The following KDM4C variants were observed in gnomAD, a reference collection of about 807,000 sequenced individuals.
KDM4C encodes lysine demethylase 4C.
In KDM4C, 81 loss-of-function variants were observed where a neutral mutation model predicts 129.3. The observed-to-expected ratio is 0.63, with a 90% CI of 0.52 to 0.75. KDM4C has a LOEUF of 0.75. Ranked by LOEUF, KDM4C falls within the 30% of genes least tolerant of loss-of-function variation. The pLI is 0.00. For missense variants in KDM4C, 1,457 were observed against 1,304.0 expected (o/e 1.12, Z -1.81); for synonymous variants, 573 against 456.1 (o/e 1.26, Z -3.26).
chr9:6,866,279 C>T lies in KDM4C; in HGVS notation c.630-13733C>T, dbSNP rs143260970. Among the ~76,000 whole-genome samples the T allele has an allele frequency of 3.2e-3, 491 of 151,728 alleles. 1 individual carries two copies. The highest frequency in any genetic ancestry group is 0.011 in the African/African-American group (466 of 41,364). On this transcript the variant is annotated intron_variant, in intron 5 of 21. Transcript: ENST00000381309. ...CCAAGGATATTCTTGACCCTTCTTT[C>T]TTTCTTTTCTTTTCTTTTTCTGCTA...
At chr9:6,932,246 GC>G (rs1219876282) in intron 8 of KDM4C, among the ~76,000 whole-genome samples, 2 of 152,214 alleles carry the variant, frequency 1.3e-5, no homozygotes, top group African/African-American at 4.8e-5. Flanking sequence ...CAGAGTGGAA[GC>G]CGGAGTGCAG....
Position 6,747,202 on chromosome 9 carries a change from AAACC to A in KDM4C, c.49+26228_49+26231del, listed in dbSNP as rs1554666609. 6.2e-4 allele frequency among the ~76,000 whole-genome samples: 83 copies of A among 133,064 alleles called. 1 individual carries two copies. The highest frequency in any genetic ancestry group is 3.8e-3 in the Middle Eastern group (1 of 262). 87.3% of individuals were successfully genotyped at this position (133,064 alleles called of 152,430 possible). Reference sequence around the variant, plus strand: ...AGCAAGACTCTGTCTCCAAAAAACCAAACCAACCAACCAACCAACCAACCAAAGA... The same window carrying A: ...AGCAAGACTCTGTCTCCAAAAAACCAAACCAACCAACCAACCAACCAAAGA... On this transcript the variant is annotated intron_variant, in intron 1 of 17. Coordinates refer to the KDM4C transcript ENST00000536108.
chr9:7,081,566 T>G (rs1164791097), intron 17 of KDM4C, among the ~76,000 whole-genome samples: 1 of 152,184 alleles, frequency 6.6e-6, no homozygotes, highest in East Asian at 1.9e-4. Context: ...ATGTCTCCAG[T>G]AGTGTGTTCC....
chr9:6,752,177 C>T (rs572027130), intron 1 of KDM4C, among the ~76,000 whole-genome samples: 1 of 149,942 alleles, frequency 6.7e-6, no homozygotes, highest in Non-Finnish European at 1.5e-5. Flanking sequence ...ACTAAAAATA[C>T]AAAAAATTAG....
At chr9:7,021,745 G>C (rs952740410) in intron 15 of KDM4C, among the ~76,000 whole-genome samples, 2 of 152,118 alleles carry the variant, frequency 1.3e-5, no homozygotes, top group Non-Finnish European at 2.9e-5. Context: ...CAGTATTCTG[G>C]AGAGTTTCCC....
chr9:7,148,330 G>T (rs954833664), intron 19 of KDM4C, among the ~76,000 whole-genome samples: 1 of 152,138 alleles, frequency 6.6e-6, no homozygotes, highest in East Asian at 1.9e-4. Flanking sequence ...GCGGTGAGCC[G>T]GGGGGCCATG....
intron 15 of KDM4C, among the ~76,000 whole-genome samples, chr9:7,032,227 A>G (rs1826900727): frequency 1.3e-5 from 2 of 152,238 alleles, no homozygotes; most frequent in Admixed American, 6.5e-5. Flanking sequence ...TCTCGTAAGA[A>G]GCAACCTAAC....
At chr9:6,746,204 G>C (rs1229750122) in intron 1 of KDM4C, among the ~76,000 whole-genome samples, 1 of 150,240 alleles carries the variant, frequency 6.7e-6, no homozygotes, top group Non-Finnish European at 1.5e-5. Context: ...GTCTCCCAGA[G>C]TGCTGGGATT....
chr9:6,787,803 C>T (rs147831217), intron 1 of KDM4C, among the ~76,000 whole-genome samples: 45 of 152,264 alleles, frequency 3.0e-4, no homozygotes, highest in African/African-American at 1.0e-3. Flanking sequence ...TTCAGATGGT[C>T]CAGAAAAGTT....
In KDM4C at chr9:7,171,731, C is replaced by T. The variant is rs149565034; in HGVS notation, c.2994+1841C>T. 9.1e-3 allele frequency among the ~76,000 whole-genome samples: 1,383 copies of T among 152,242 alleles called. 22 individuals are homozygous for T. Among genetic ancestry groups the T allele is most frequent in the African/African-American group, 0.031 (1,269 of 41,532 alleles). The stretch of plus-strand genomic sequence containing the variant: ...AGATTTCGCTCAGATACCAGGATGC[C>T]TTCCCCTGTGGCTGTCTCGGAACAC... On this transcript the variant is annotated intron_variant, in intron 21 of 21. Coordinates refer to ENST00000381309, the MANE Select transcript of KDM4C (RefSeq NM_015061.6).
chr9:6,805,896 C>T (rs1829879299), intron 3 of KDM4C, 122 bp downstream of exon 3: 1 of 772,048 alleles, frequency 1.3e-6, no homozygotes, highest in Non-Finnish European at 2.0e-6. Flanking sequence ...ATTTTTCACC[C>T]TTCATTGAAC....
intron 17 of KDM4C, among the ~76,000 whole-genome samples, chr9:7,085,716 G>A (rs7036253): frequency 0.15 from 23,390 of 152,022 alleles, 2,959 homozygotes; most frequent in African/African-American, 0.35. Flanking sequence ...CTCAGACTGC[G>A]TGGTGGGATA....
At chr9:6,918,808 C>T (rs1482532074) in intron 8 of KDM4C, among the ~76,000 whole-genome samples, 1 of 151,114 alleles carries the variant, frequency 6.6e-6, no homozygotes, top group Non-Finnish European at 1.5e-5. Flanking sequence ...TTGTTGGCCG[C>T]TTGTATGTAT....
chr9:7,105,720 A>G (rs1837611070), intron 18 of KDM4C, among the ~76,000 whole-genome samples: 1 of 152,208 alleles, frequency 6.6e-6, no homozygotes, highest in African/African-American at 2.4e-5. Flanking sequence ...CCGTTTTAAT[A>G]TTCCAAAGCC....
At chr9:7,037,331 G>C (rs1827828907) in intron 15 of KDM4C, among the ~76,000 whole-genome samples, 2 of 152,154 alleles carry the variant, frequency 1.3e-5, no homozygotes, top group African/African-American at 4.8e-5. Flanking sequence ...AATGCAGCTT[G>C]AGAATGTTGG....
chr9:6,817,707 A>G (rs2131179595), intron 4 of KDM4C, among the ~76,000 whole-genome samples: 1 of 152,266 alleles, frequency 6.6e-6, no homozygotes, highest in East Asian at 1.9e-4. Flanking sequence ...AAAAATACAG[A>G]AAAACGTGAA....
intron 17 of KDM4C, among the ~76,000 whole-genome samples, chr9:7,055,735 CATGTT>C (rs1002504767): frequency 3.3e-5 from 5 of 152,160 alleles, no homozygotes; most frequent in African/African-American, 1.2e-4. Context: ...CCAACTGACT[CATGTT>C]ATCAGATATA....
chr9:7,099,416 A>G (rs1421716405), intron 17 of KDM4C, among the ~76,000 whole-genome samples: 1 of 152,216 alleles, frequency 6.6e-6, no homozygotes, highest in Non-Finnish European at 1.5e-5. Flanking sequence ...TAGTAGCCTT[A>G]ATGGCCTATG....
intron 8 of KDM4C, among the ~76,000 whole-genome samples, chr9:6,939,227 G>T (rs1003743125): frequency 6.6e-6 from 1 of 152,032 alleles, no homozygotes; most frequent in Non-Finnish European, 1.5e-5. Flanking sequence ...CAGATCAGCG[G>T]TGGTATTAGA....
Sources: gnomAD v4.1 joint callset for allele counts (sites outside exome capture counted in the v4.1 genomes callset) on GRCh38, gnomAD v4.1.1 for gene constraint, MANE v1.5 for transcripts, NCBI Gene and HGNC (gene_info 2026-07-23, HGNC 2026-07-21) for gene names.